The following CSMD1 variants were observed in gnomAD, a reference collection of about 807,000 sequenced individuals.
CSMD1 encodes CUB and Sushi multiple domains 1.
CSMD1 carries 213 observed loss-of-function variants against 417.5 expected under a neutral mutation model. The ratio of observed to expected loss-of-function variants is 0.51; its 90% CI spans 0.46 to 0.57. CSMD1 has a LOEUF of 0.57. Among genes scored for constraint, CSMD1 ranks in the 20% least tolerant of loss-of-function variants. CSMD1 has a pLI of 0.00. For missense variants in CSMD1, 6,923 were observed against 4,529.7 expected, an observed-to-expected ratio of 1.53 and a Z score of -15.17; for synonymous variants, 2,862 against 1,736.8, an observed-to-expected ratio of 1.65 and a Z score of -16.11.
intron 1 of CSMD1, among the ~76,000 whole-genome samples, chr8:4,942,461 G>A (rs948165117): frequency 8.6e-5 from 13 of 151,992 alleles, no homozygotes; most frequent in African/African-American, 3.1e-4. Context: ...GACAAAGACA[G>A]TTTTCACATT....
intron 10 of CSMD1, among the ~76,000 whole-genome samples, chr8:3,500,404 T>C (rs10097116): frequency 6.6e-6 from 1 of 151,972 alleles, no homozygotes; most frequent in African/African-American, 2.4e-5. Context: ...GTATGGAGCT[T>C]GGGAGAGGTT....
At chr8:3,701,394 G>C (rs952115659) in intron 7 of CSMD1, among the ~76,000 whole-genome samples, 2 of 152,096 alleles carry the variant, frequency 1.3e-5, no homozygotes, top group African/African-American at 2.4e-5. Context: ...CCCAGAGAGA[G>C]AACAGTTGCG....
At chr8:4,587,838 G>A (rs1019135115) in intron 2 of CSMD1, among the ~76,000 whole-genome samples, 14 of 152,126 alleles carry the variant, frequency 9.2e-5, no homozygotes, top group East Asian at 1.9e-4. Context: ...CCACAACTCT[G>A]TAACTATAAA....
At chr8:4,586,448 T>A (rs1799704318) in intron 2 of CSMD1, among the ~76,000 whole-genome samples, 1 of 152,210 alleles carries the variant, frequency 6.6e-6, no homozygotes, top group African/African-American at 2.4e-5. Context: ...ATGTTTCAAA[T>A]TCATAACTGT....
At chr8:3,403,214 T>A (rs1306790815) in intron 15 of CSMD1, among the ~76,000 whole-genome samples, 4 of 152,204 alleles carry the variant, frequency 2.6e-5, no homozygotes, top group African/African-American at 9.6e-5. Flanking sequence ...AAACAATAAA[T>A]AAGAGTATTC....
intron 21 of CSMD1, among the ~76,000 whole-genome samples, chr8:3,357,386 C>T (rs887480431): frequency 2.0e-5 from 3 of 152,202 alleles, no homozygotes; most frequent in African/African-American, 7.2e-5. Flanking sequence ...TCCATCACAG[C>T]ATTTACTTCG....
intron 2 of CSMD1, among the ~76,000 whole-genome samples, chr8:4,589,859 A>G (rs1799896969): frequency 1.3e-5 from 2 of 152,212 alleles, no homozygotes; most frequent in Non-Finnish European, 2.9e-5. Flanking sequence ...AATAATTTTC[A>G]GAATCTATCA....
intron 5 of CSMD1, among the ~76,000 whole-genome samples, chr8:3,839,845 T>C (rs1321032607): frequency 1.3e-5 from 2 of 151,806 alleles, no homozygotes; most frequent in East Asian, 3.9e-4. Flanking sequence ...GGGAACATTA[T>C]GGCCTCTTCT....
intron 6 of CSMD1, among the ~76,000 whole-genome samples, chr8:3,719,782 T>C (rs1802046169): frequency 6.6e-6 from 1 of 152,164 alleles, no homozygotes; most frequent in African/African-American, 2.4e-5. Context: ...GCATTTCCAG[T>C]TCTACGTGTG....
intron 3 of CSMD1, among the ~76,000 whole-genome samples, chr8:4,229,436 T>C (rs1801571561): frequency 6.6e-6 from 1 of 152,218 alleles, no homozygotes; most frequent in Non-Finnish European, 1.5e-5. Context: ...CATTATCTTT[T>C]CAACAACCTT....
chr8:3,746,628 ATT>A, intron 6 of CSMD1, among the ~76,000 whole-genome samples: 1 of 152,286 alleles, frequency 6.6e-6, no homozygotes, highest in Non-Finnish European at 1.5e-5. Context: ...GATGAATAAT[ATT>A]TCATATCTTT....
At chr8:3,069,729 G>A (rs1813197191) in intron 49 of CSMD1, among the ~76,000 whole-genome samples, 1 of 152,044 alleles carries the variant, frequency 6.6e-6, no homozygotes, top group Non-Finnish European at 1.5e-5. Context: ...GGGTCTGGAG[G>A]GCAGTGATCC....
At chr8:3,864,340 G>A (rs973808203) in intron 5 of CSMD1, among the ~76,000 whole-genome samples, 2 of 144,756 alleles carry the variant, frequency 1.4e-5, no homozygotes, top group Non-Finnish European at 3.0e-5. Flanking sequence ...TATGAAAGAC[G>A]ATGCATAGAT....
chr8:4,102,689 G>A (rs1221885027), intron 3 of CSMD1, among the ~76,000 whole-genome samples: 2 of 152,164 alleles, frequency 1.3e-5, no homozygotes, highest in Non-Finnish European at 2.9e-5. Flanking sequence ...GACATTTACT[G>A]ATAATGTTCT....
intron 3 of CSMD1, among the ~76,000 whole-genome samples, chr8:4,095,965 C>T (rs1042579650): frequency 2.0e-5 from 3 of 152,022 alleles, no homozygotes; most frequent in African/African-American, 7.2e-5. Context: ...AAAAGAAGGA[C>T]AAAATATTTC....
chr8:4,818,311 G>A (rs540502233), intron 1 of CSMD1, among the ~76,000 whole-genome samples: 1 of 152,240 alleles, frequency 6.6e-6, no homozygotes, highest in Admixed American at 6.5e-5. Context: ...ATTGACCAAA[G>A]CTAGATTACA....
At chr8:3,809,592 C>T (rs889610735) in intron 5 of CSMD1, among the ~76,000 whole-genome samples, 1 of 151,900 alleles carries the variant, frequency 6.6e-6, no homozygotes, top group Non-Finnish European at 1.5e-5. Context: ...AGATAGTTGG[C>T]CCCACCTGCA....
intron 11 of CSMD1, among the ~76,000 whole-genome samples, chr8:3,476,278 G>A (rs1023319176): frequency 3.9e-5 from 6 of 152,158 alleles, no homozygotes; most frequent in African/African-American, 1.2e-4. Context: ...CCATGTTGTT[G>A]TGTGTATCAG....
At chr8:4,141,460 C>T (rs957219939) in intron 3 of CSMD1, among the ~76,000 whole-genome samples, 3 of 151,164 alleles carry the variant, frequency 2.0e-5, no homozygotes, top group Non-Finnish European at 4.4e-5. Flanking sequence ...CGGTTTAACA[C>T]TGCTTTTGTA....
Sources: allele counts gnomAD v4.1 joint callset (sites outside exome capture counted in the v4.1 genomes callset), GRCh38; gene constraint gnomAD v4.1.1; transcripts MANE v1.5; gene names NCBI Gene and HGNC (gene_info 2026-07-23, HGNC 2026-07-21).